The following FHOD3 variants were observed in gnomAD, a reference collection of about 807,000 sequenced individuals.
The protein encoded by FHOD3 is FH1/FH2 domain-containing protein 3.
In FHOD3, 90 loss-of-function variants were observed where a neutral mutation model predicts 173.0. That is an observed-to-expected ratio of 0.52 (90% CI 0.44 to 0.62). The LOEUF is 0.62. FHOD3 is among the 20% of genes least tolerant of loss of function. The pLI, the probability that FHOD3 is intolerant of heterozygous loss-of-function variation, is 0.00. For missense variants in FHOD3, 1,945 were observed against 2,034.7 expected (o/e 0.96, Z 0.85); for synonymous variants, 828 against 823.0 (o/e 1.01, Z -0.10).
intron 5 of FHOD3, among the ~76,000 whole-genome samples, chr18:36,536,465 T>G (rs10502660): frequency 0.07 from 10,615 of 152,320 alleles, 671 homozygotes; most frequent in East Asian, 0.35. Flanking sequence ...TTAGGAATCC[T>G]GTAGTTGGCT....
chr18:36,338,725 G>A (rs1213314478), intron 1 of FHOD3, among the ~76,000 whole-genome samples: 1 of 152,088 alleles, frequency 6.6e-6, no homozygotes, highest in African/African-American at 2.4e-5. Flanking sequence ...CTAGAAGTCC[G>A]CAGTCACAGC....
intron 3 of FHOD3, among the ~76,000 whole-genome samples, chr18:36,407,060 G>A (rs1007435598): frequency 6.6e-6 from 1 of 152,216 alleles, no homozygotes; most frequent in East Asian, 1.9e-4. Flanking sequence ...CAACTGATCA[G>A]TGGTAAAGAT....
At chr18:36,554,712 C>A (rs549463861) in intron 5 of FHOD3, among the ~76,000 whole-genome samples, 1 of 152,164 alleles carries the variant, frequency 6.6e-6, no homozygotes, top group South Asian at 2.1e-4. Context: ...CTAGTCCTAG[C>A]GATCCCTTTC....
intron 18 of FHOD3, chr18:36,709,892 A>G (rs1243031587): frequency 2.6e-5 from 4 of 155,304 alleles, no homozygotes; most frequent in East Asian, 3.8e-4. Context: ...AATGGATTGA[A>G]TGAGTATTTC....
intron 2 of FHOD3, among the ~76,000 whole-genome samples, chr18:36,359,655 G>T (rs936320255): frequency 6.6e-6 from 1 of 152,130 alleles, no homozygotes; most frequent in Non-Finnish European, 1.5e-5. Context: ...GTCCTGATGG[G>T]GTCTCTGGCA....
At chr18:36,377,015 T>C (rs940723932) in intron 3 of FHOD3, among the ~76,000 whole-genome samples, 1 of 152,058 alleles carries the variant, frequency 6.6e-6, no homozygotes, top group African/African-American at 2.4e-5. Context: ...ACACTGGTGG[T>C]GATGGAGGTG....
In FHOD3 at chr18:36,681,551, GAAGA is replaced by G; in HGVS notation, c.1958_1961del (p.Arg653ThrfsTer8). ...AGAAAGGTTGCAGAGAATAGAGCGG[GAAGA>G]AAGAAACAAATTCAGGTAAGAAGGA... is the stretch of plus-strand genomic sequence containing the variant. On this transcript the variant is annotated frameshift_variant, in exon 15 of 29. Transcript: ENST00000590592. LOFTEE classifies it high-confidence loss of function. 3 of 1,613,688 alleles carry G rather than the reference GAAGA, an allele frequency of 1.9e-6. No homozygotes were observed. Among genetic ancestry groups the G allele is most frequent in the Non-Finnish European group, 2.5e-6 (3 of 1,179,808 alleles).
chr18:36,735,783 A>G (rs1000585650), intron 20 of FHOD3, among the ~76,000 whole-genome samples: 1 of 152,230 alleles, frequency 6.6e-6, no homozygotes, highest in Non-Finnish European at 1.5e-5. Flanking sequence ...TCCTTGTGGC[A>G]GATGCTTATA....
At chr18:36,681,816 C>T (rs564927353) in intron 15 of FHOD3, among the ~76,000 whole-genome samples, 11 of 152,244 alleles carry the variant, frequency 7.2e-5, no homozygotes, top group African/African-American at 2.6e-4. Context: ...TTCTTGGGCC[C>T]TCCATTACCT....
intron 14 of FHOD3, among the ~76,000 whole-genome samples, chr18:36,661,970 CTT>C (rs1437816099): frequency 6.6e-6 from 1 of 152,192 alleles, no homozygotes; most frequent in East Asian, 1.9e-4. Context: ...TGAAAGCAGA[CTT>C]TTAAAACACT....
At chr18:36,462,323 T>A (rs1403719939) in intron 3 of FHOD3, among the ~76,000 whole-genome samples, 2 of 151,980 alleles carry the variant, frequency 1.3e-5, no homozygotes, top group Non-Finnish European at 2.9e-5. Context: ...TTTGTTTTGC[T>A]TTTTGGTTGG....
chr18:36,591,005 C>T (rs995369195), intron 6 of FHOD3, among the ~76,000 whole-genome samples: 2 of 152,122 alleles, frequency 1.3e-5, no homozygotes, highest in African/African-American at 4.8e-5. Context: ...CCTGGGGAGG[C>T]ATTTAGAGGC....
intron 7 of FHOD3, among the ~76,000 whole-genome samples, chr18:36,598,049 C>G (rs529799045): frequency 1.3e-5 from 2 of 152,176 alleles, no homozygotes; most frequent in South Asian, 4.1e-4. Context: ...GTGTTTCCAT[C>G]TAGTGGGTTT....
chr18:36,675,825 A>C (rs996550624), intron 14 of FHOD3, among the ~76,000 whole-genome samples: 1 of 152,146 alleles, frequency 6.6e-6, no homozygotes, highest in Non-Finnish European at 1.5e-5. Context: ...ATAGGATCTG[A>C]CCCCAAAACG....
At chr18:36,531,798 G>T (rs139488334) in intron 5 of FHOD3, among the ~76,000 whole-genome samples, 1 of 152,164 alleles carries the variant, frequency 6.6e-6, no homozygotes, top group Non-Finnish European at 1.5e-5. Context: ...TACAGCCTGC[G>T]GTCCTCTCGG....
chr18:36,621,417 G>A (rs970612488), intron 9 of FHOD3, among the ~76,000 whole-genome samples: 3 of 152,154 alleles, frequency 2.0e-5, no homozygotes, highest in African/African-American at 7.2e-5. Flanking sequence ...TTAGGAATTT[G>A]AGCCTTATTC....
At chr18:36,557,665 T>C (rs1340024329) in intron 5 of FHOD3, among the ~76,000 whole-genome samples, 1 of 152,376 alleles carries the variant, frequency 6.6e-6, no homozygotes, top group East Asian at 1.9e-4. Flanking sequence ...TTATTGAATT[T>C]CACACACTGT....
intron 27 of FHOD3, among the ~76,000 whole-genome samples, chr18:36,761,700 C>T (rs1328750596): frequency 6.6e-6 from 1 of 152,126 alleles, no homozygotes; most frequent in African/African-American, 2.4e-5. Context: ...CTTTCTCTTC[C>T]ATGCACTCCA....
At position 36,687,002 on chromosome 18, in the gene FHOD3, C is replaced by A. The variant is rs964931935; in HGVS notation, c.1971-126C>A. ...AAACTTTTAAAAATTCAGCTACAACCATTTTACATTTCTGAGGCAGTGCCA... is the reference window on the plus strand; with the variant it reads ...AAACTTTTAAAAATTCAGCTACAACAATTTTACATTTCTGAGGCAGTGCCA... On this transcript the variant is annotated intron_variant, in intron 15 of 28. Transcript: ENST00000590592. 7.0e-5 allele frequency: 44 copies of A among 629,420 alleles called. No homozygotes were observed. In the Admixed American group the frequency reaches 1.4e-3, roughly 20 times the overall value. 39.0% of individuals were successfully genotyped at this position (629,420 alleles called of 1,614,324 possible). A position where few individuals can be genotyped will look rare whatever the true frequency, so the allele number is the denominator to read the frequency against.
Sources: allele counts gnomAD v4.1 joint callset (sites outside exome capture counted in the v4.1 genomes callset), GRCh38; gene constraint gnomAD v4.1.1; transcripts MANE v1.5; gene names NCBI Gene and HGNC (gene_info 2026-07-23, HGNC 2026-07-21).